Variants in MYO5B observed in about 807,000 individuals in gnomAD.
MYO5B encodes the protein unconventional myosin-Vb.
In MYO5B, 143 loss-of-function variants were observed where a neutral mutation model predicts 229.3. That is an observed-to-expected ratio of 0.62 (90% CI 0.54 to 0.72). The LOEUF (loss-of-function observed/expected upper bound fraction) is 0.72, where lower values mean the gene tolerates loss of function less well. MYO5B is among the 30% of genes least tolerant of loss of function. The pLI is 0.00. For synonymous variants in MYO5B, 918 were observed against 885.2 expected, an observed-to-expected ratio of 1.04 and a Z score of -0.66; for missense variants, 2,321 against 2,331.0, an observed-to-expected ratio of 1.00 and a Z score of 0.09.
intron 1 of MYO5B, among the ~76,000 whole-genome samples, chr18:50,147,606 T>C (rs568427023): frequency 2.6e-5 from 4 of 152,256 alleles, no homozygotes; most frequent in East Asian, 3.9e-4. Flanking sequence ...AGTGATGAAA[T>C]CAAATTTAAG....
At chr18:49,979,257 C>T (rs1437208338) in intron 9 of MYO5B, among the ~76,000 whole-genome samples, 2 of 152,162 alleles carry the variant, frequency 1.3e-5, no homozygotes, top group Non-Finnish European at 2.9e-5. Context: ...CAAAACAGCT[C>T]CAGGGCACCT....
At chr18:49,974,185 G>A (rs969043662) in intron 10 of MYO5B, among the ~76,000 whole-genome samples, 165 bp downstream of exon 10, 2 of 152,170 alleles carry the variant, frequency 1.3e-5, no homozygotes, top group African/African-American at 4.8e-5. Context: ...CTGGCCTCAG[G>A]CCCCATCATT....
intron 1 of MYO5B, among the ~76,000 whole-genome samples, chr18:50,147,539 C>T (rs2032524220): frequency 6.6e-6 from 1 of 152,212 alleles, no homozygotes; most frequent in Non-Finnish European, 1.5e-5. Context: ...TTGTGCCAGA[C>T]ACTATTCTAG....
chr18:49,895,244 A>G (rs1430339915), intron 21 of MYO5B, 70 bp from the exon 22 acceptor site: 2 of 1,316,556 alleles, frequency 1.5e-6, no homozygotes, highest in Non-Finnish European at 2.2e-6. Context: ...TTTACCAGGG[A>G]AAAAGCATGA....
At chr18:50,166,913 A>G (rs2032860520) in intron 1 of MYO5B, among the ~76,000 whole-genome samples, 1 of 152,186 alleles carries the variant, frequency 6.6e-6, no homozygotes, top group Non-Finnish European at 1.5e-5. Context: ...TTGGATATCA[A>G]TTTTTACTGC....
At chr18:49,950,393 G>A (rs2025419362) in intron 14 of MYO5B, among the ~76,000 whole-genome samples, 1 of 152,200 alleles carries the variant, frequency 6.6e-6, no homozygotes, top group South Asian at 2.1e-4. Context: ...ATACACTTTT[G>A]ATGTGCATAC....
intron 1 of MYO5B, among the ~76,000 whole-genome samples, chr18:50,104,265 GATATAT>G (rs3075606): frequency 5.1e-3 from 682 of 134,554 alleles, no homozygotes; most frequent in Middle Eastern, 7.6e-3. Context: ...ATCTATACAT[GATATAT>G]ATATATATAT....
At chr18:49,943,278 A>C (rs1379605979) in intron 14 of MYO5B, among the ~76,000 whole-genome samples, 3 of 151,780 alleles carry the variant, frequency 2.0e-5, no homozygotes, top group Non-Finnish European at 4.4e-5. Flanking sequence ...ATGACGAGTT[A>C]CTGGGTGCAG....
intron 1 of MYO5B, among the ~76,000 whole-genome samples, chr18:50,134,983 T>C (rs1043500178): frequency 5.3e-5 from 8 of 152,248 alleles, no homozygotes; most frequent in Non-Finnish European, 1.2e-4. Context: ...CTGTTTGTTA[T>C]ACAGGCTGAT....
chr18:49,906,392 G>A lies in MYO5B; in HGVS notation c.2414+27C>T, dbSNP rs770226181. 6 of 1,608,520 alleles carry A rather than the reference G, an allele frequency of 3.7e-6. No individual in the cohort carries two copies. The Admixed American group carries it at 6.7e-5, about 18-fold the overall frequency. Reference sequence around the variant, plus strand: ...CCCATCTTCCCCACCATGATCTGCTGCCCTGAGCTGCCACAGTCTGGCTCA... The same window carrying A: ...CCCATCTTCCCCACCATGATCTGCTACCCTGAGCTGCCACAGTCTGGCTCA... On this transcript the variant is annotated intron_variant, in intron 19 of 39. Coordinates refer to ENST00000285039, the MANE Select transcript of MYO5B (RefSeq NM_001080467.3).
chr18:49,999,716 C>T (rs75060740), intron 5 of MYO5B, among the ~76,000 whole-genome samples: 4,870 of 152,224 alleles, frequency 0.032, 265 homozygotes, highest in African/African-American at 0.11. Context: ...AGTGGTTCTC[C>T]AAGTGTGGTA....
At chr18:50,129,024 G>T (rs1010295253) in intron 1 of MYO5B, among the ~76,000 whole-genome samples, 5 of 152,284 alleles carry the variant, frequency 3.3e-5, no homozygotes, top group Admixed American at 6.5e-5. Flanking sequence ...AAATCTCACG[G>T]TAAGTCACTG....
intron 34 of MYO5B, among the ~76,000 whole-genome samples, chr18:49,841,746 T>C (rs1279316186): frequency 6.6e-6 from 1 of 152,166 alleles, no homozygotes; most frequent in Non-Finnish European, 1.5e-5. Flanking sequence ...GAAGAATGAA[T>C]GCAAAGCTGA....
chr18:49,923,439 C>T (rs2025096704), intron 17 of MYO5B, among the ~76,000 whole-genome samples: 3 of 152,208 alleles, frequency 2.0e-5, no homozygotes, highest in Admixed American at 2.0e-4. Flanking sequence ...TCTCATTCTA[C>T]ATAGAACCCA....
chr18:50,039,071 A>G (rs964288261), intron 3 of MYO5B, among the ~76,000 whole-genome samples: 2 of 152,086 alleles, frequency 1.3e-5, no homozygotes, highest in Non-Finnish European at 2.9e-5. Flanking sequence ...AAAACCCCTG[A>G]GTGCCTGAGG....
At chr18:50,065,810 G>C (rs2030806707) in intron 1 of MYO5B, among the ~76,000 whole-genome samples, 1 of 152,142 alleles carries the variant, frequency 6.6e-6, no homozygotes. Context: ...GGCCTCACTG[G>C]AGATGATTCA....
chr18:49,936,505 C>G (rs897738682), intron 15 of MYO5B, among the ~76,000 whole-genome samples, 156 bp from the exon 16 acceptor site: 4 of 152,182 alleles, frequency 2.6e-5, no homozygotes, highest in African/African-American at 9.7e-5. Context: ...AAGATTCCAG[C>G]TCTGACACTG....
intron 10 of MYO5B, chr18:49,970,791 G>A (rs1212579031): frequency 1.3e-5 from 2 of 152,168 alleles, no homozygotes; most frequent in African/African-American, 4.8e-5. Context: ...TGGGGTCAAG[G>A]GGAAGAAGCA....
At chr18:49,914,914 C>T (rs2024996306) in intron 17 of MYO5B, among the ~76,000 whole-genome samples, 1 of 152,160 alleles carries the variant, frequency 6.6e-6, no homozygotes, top group Non-Finnish European at 1.5e-5. Context: ...CTTAGAGCTC[C>T]AGATCTTCCA....
Sources: gnomAD v4.1 joint callset for allele counts (sites outside exome capture counted in the v4.1 genomes callset) on GRCh38, gnomAD v4.1.1 for gene constraint, MANE v1.5 for transcripts, NCBI Gene and HGNC (gene_info 2026-07-23, HGNC 2026-07-21) for gene names.